ADAMTSL3: variants seen among roughly 807,000 people sequenced by gnomAD.
ADAMTSL3 encodes ADAMTS-like protein 3.
In ADAMTSL3, 128 loss-of-function variants were observed where a neutral mutation model predicts 201.7. That is an observed-to-expected ratio of 0.63 (90% CI 0.55 to 0.73). The LOEUF (loss-of-function observed/expected upper bound fraction) is 0.73, where lower values mean the gene tolerates loss of function less well. Ranked by LOEUF, ADAMTSL3 falls within the 30% of genes least tolerant of loss-of-function variation. ADAMTSL3 has a pLI of 0.00. For missense variants in ADAMTSL3, 1,990 were observed against 2,119.6 expected (o/e 0.94, Z 1.20); for synonymous variants, 738 against 748.4 (o/e 0.99, Z 0.23).
intron 7 of ADAMTSL3, among the ~76,000 whole-genome samples, chr15:83,847,752 C>T (rs997890879): frequency 6.6e-6 from 1 of 152,120 alleles, no homozygotes; most frequent in African/African-American, 2.4e-5. Context: ...GCATCAGCCT[C>T]CCAAAGTGCT....
intron 4 of ADAMTSL3, among the ~76,000 whole-genome samples, chr15:83,800,049 T>C (rs1232816455): frequency 6.6e-6 from 1 of 152,220 alleles, no homozygotes; most frequent in Non-Finnish European, 1.5e-5. Context: ...GGCCAGTCAC[T>C]GGATTTACTG....
intron 6 of ADAMTSL3, among the ~76,000 whole-genome samples, chr15:83,824,668 A>G (rs2063981417): frequency 6.6e-6 from 1 of 152,098 alleles, no homozygotes; most frequent in Non-Finnish European, 1.5e-5. Context: ...CCTGGCAACC[A>G]TGGATCTTTT....
intron 16 of ADAMTSL3, among the ~76,000 whole-genome samples, chr15:83,918,855 C>T (rs4842924): frequency 0.63 from 95,416 of 151,990 alleles, 31,027 homozygotes; most frequent in African/African-American, 0.79. Context: ...GTTGTGAGAG[C>T]GATCACATAG....
chr15:83,731,716 A>G (rs965114462), intron 3 of ADAMTSL3, among the ~76,000 whole-genome samples: 2 of 152,036 alleles, frequency 1.3e-5, no homozygotes, highest in African/African-American at 4.8e-5. Flanking sequence ...ATATATAACT[A>G]TATTATTCTT....
At chr15:83,790,933 T>G (rs1473124072) in intron 4 of ADAMTSL3, among the ~76,000 whole-genome samples, 5 of 152,186 alleles carry the variant, frequency 3.3e-5, no homozygotes. Context: ...TGCTAAGGTG[T>G]AAATCTAACA....
chr15:84,005,711 A>G (rs2067882929), intron 23 of ADAMTSL3, among the ~76,000 whole-genome samples: 1 of 152,224 alleles, frequency 6.6e-6, no homozygotes, highest in Non-Finnish European at 1.5e-5. Context: ...GGACTTGTTG[A>G]CACTCTTCTC....
chr15:83,899,869 C>A, intron 15 of ADAMTSL3, 138 bp downstream of exon 15: 1 of 1,199,226 alleles, frequency 8.3e-7, no homozygotes, highest in Non-Finnish European at 1.1e-6. Context: ...AGAGCTTGAG[C>A]TGGCTAGAAT....
chr15:83,699,107 TATAC>T (rs529844314), intron 2 of ADAMTSL3, among the ~76,000 whole-genome samples: 3 of 152,060 alleles, frequency 2.0e-5, no homozygotes, highest in African/African-American at 4.8e-5. Context: ...TATATGTAAA[TATAC>T]ATACATACAT....
At chr15:83,773,308 T>C (rs1202304045) in intron 3 of ADAMTSL3, among the ~76,000 whole-genome samples, 2 of 151,998 alleles carry the variant, frequency 1.3e-5, no homozygotes, top group East Asian at 1.9e-4. Context: ...CTCAGGAGGC[T>C]GAGGCAGGAG....
At chr15:83,733,338 CAG>C (rs1308393524) in intron 3 of ADAMTSL3, among the ~76,000 whole-genome samples, 2 of 152,142 alleles carry the variant, frequency 1.3e-5, no homozygotes, top group Admixed American at 6.6e-5. Flanking sequence ...GAGGTGTTGA[CAG>C]AGACTATAGA....
intron 5 of ADAMTSL3, among the ~76,000 whole-genome samples, chr15:83,816,900 G>A (rs1379960691): frequency 6.6e-6 from 1 of 152,220 alleles, no homozygotes; most frequent in African/African-American, 2.4e-5. Context: ...GGAGGCTGAG[G>A]TGGGAGGAAA....
At chr15:83,698,950 C>G (rs1047387905) in intron 2 of ADAMTSL3, among the ~76,000 whole-genome samples, 2 of 151,958 alleles carry the variant, frequency 1.3e-5, no homozygotes, top group Non-Finnish European at 2.9e-5. Flanking sequence ...TTATTCTACT[C>G]TAATTGATGT....
At chr15:84,007,006 T>C (rs556779584) in intron 23 of ADAMTSL3, among the ~76,000 whole-genome samples, 23 of 152,296 alleles carry the variant, frequency 1.5e-4, no homozygotes, top group African/African-American at 5.3e-4. Flanking sequence ...GTTTTCAGCA[T>C]AGGAATTATC....
chr15:83,879,324 T>A (rs919094757), intron 9 of ADAMTSL3, among the ~76,000 whole-genome samples: 2 of 152,166 alleles, frequency 1.3e-5, no homozygotes, highest in Non-Finnish European at 2.9e-5. Flanking sequence ...TTCCTAAACT[T>A]CTTGAGATGG....
chr15:83,771,487 G>T (rs1454435495), intron 3 of ADAMTSL3, among the ~76,000 whole-genome samples: 1 of 152,122 alleles, frequency 6.6e-6, no homozygotes, highest in African/African-American at 2.4e-5. Flanking sequence ...TGTACTTTCT[G>T]CTTCAATGAG....
chr15:83,754,734 A>C (rs543487614), intron 3 of ADAMTSL3, among the ~76,000 whole-genome samples: 100 of 152,098 alleles, frequency 6.6e-4, no homozygotes, highest in Non-Finnish European at 1.4e-3. Context: ...AAAAATATTT[A>C]ATTTTATGTG....
At chr15:83,721,141 A>C (rs1029356034) in intron 3 of ADAMTSL3, among the ~76,000 whole-genome samples, 2 of 152,182 alleles carry the variant, frequency 1.3e-5, no homozygotes, top group African/African-American at 4.8e-5. Context: ...TTTTATTTAG[A>C]AGCAGCATAT....
At chr15:84,028,584 C>T (rs2068350956) in intron 27 of ADAMTSL3, among the ~76,000 whole-genome samples, 3 of 152,136 alleles carry the variant, frequency 2.0e-5, no homozygotes, top group Non-Finnish European at 2.9e-5. Context: ...AGCAGAAAAA[C>T]CCAAACTTGG....
At chr15:84,020,465 A>G (rs2068180463) in intron 25 of ADAMTSL3, among the ~76,000 whole-genome samples, 1 of 152,266 alleles carries the variant, frequency 6.6e-6, no homozygotes, top group Non-Finnish European at 1.5e-5. Flanking sequence ...ATTTTTAAAT[A>G]AACTGTATTC....
Sources: allele counts gnomAD v4.1 joint callset (sites outside exome capture counted in the v4.1 genomes callset), GRCh38; gene constraint gnomAD v4.1.1; transcripts MANE v1.5; gene names NCBI Gene and HGNC (gene_info 2026-07-23, HGNC 2026-07-21).